The following HSPA13 variants were observed in gnomAD, a reference collection of about 807,000 sequenced individuals.
The protein encoded by HSPA13 is heat shock protein family A (Hsp70) member 13.
In HSPA13, 29 loss-of-function variants were observed where a neutral mutation model predicts 38.8. The observed-to-expected ratio is 0.75, with a 90% confidence interval of 0.56 to 1.02. HSPA13 has a LOEUF of 1.02. Ranked by LOEUF, HSPA13 falls within the 50% of genes least tolerant of loss-of-function variation. The pLI, the probability that HSPA13 is intolerant of heterozygous loss-of-function variation, is 0.00. For missense variants in HSPA13, 451 were observed against 560.9 expected (o/e 0.80, Z 1.98); for synonymous variants, 192 against 205.3 (o/e 0.94, Z 0.56).
chr21:14,380,070 T>C (rs1370394424), intron 2 of HSPA13, among the ~76,000 whole-genome samples: 3 of 150,722 alleles, frequency 2.0e-5, no homozygotes, highest in Non-Finnish European at 4.4e-5. Context: ...TTTCACTTCA[T>C]AACTTCCAAG....
intron 2 of HSPA13, among the ~76,000 whole-genome samples, chr21:14,380,544 A>T (rs1984141974): frequency 6.6e-6 from 1 of 152,192 alleles, no homozygotes; most frequent in Non-Finnish European, 1.5e-5. Context: ...ACTCTAAAAA[A>T]TTATGGTTAA....
At chr21:14,382,043 T>G (rs1984183934) in intron 1 of HSPA13, among the ~76,000 whole-genome samples, 1 of 152,204 alleles carries the variant, frequency 6.6e-6, no homozygotes, top group Non-Finnish European at 1.5e-5. Context: ...TCACCTCCTT[T>G]TCCCTTTCAA....
chr21:14,382,634 TG>T (rs1165433913), intron 1 of HSPA13, among the ~76,000 whole-genome samples: 1 of 151,974 alleles, frequency 6.6e-6, no homozygotes, highest in East Asian at 1.9e-4. Flanking sequence ...GGTGTGTGTG[TG>T]GGTGGGGGAT....
chr21:14,376,186 C>A (rs763425602), intron 3 of HSPA13, among the ~76,000 whole-genome samples: 4 of 152,054 alleles, frequency 2.6e-5, no homozygotes, highest in Non-Finnish European at 2.9e-5. Flanking sequence ...CCGAGGTGGG[C>A]GGATCACGAG....
At position 14,375,912 on chromosome 21, in the gene HSPA13, G is replaced by T; in HGVS notation, c.581-93C>A. ...AGCATGTTTGTGTCTTCTGTGACATGAACTCCACCACTGAGTAATAATGAG... is the reference window on the plus strand; with the variant it reads ...AGCATGTTTGTGTCTTCTGTGACATTAACTCCACCACTGAGTAATAATGAG... On this transcript the variant is annotated intron_variant, in intron 3 of 4. Transcript: ENST00000285667. 7 of 951,678 alleles carry T rather than the reference G, an allele frequency of 7.4e-6. No individual in the cohort carries two copies. The South Asian group carries it at 1.0e-4, about 14-fold the overall frequency. 59.0% of individuals were successfully genotyped at this position (951,678 alleles called of 1,614,324 possible).
In HSPA13 at chr21:14,381,268, T is replaced by A; in HGVS notation, c.301A>T (p.Arg101Ter). Residue 101 changes from arginine to a stop codon, truncating the protein, a stop_gained, in exon 2 of 5, where the codon AGA becomes TGA. Transcript: ENST00000285667. LOFTEE classifies it high-confidence loss of function. Reference protein sequence around the residue: ...NPQNTIYDAKRFIGKIFTAEE... With the variant: ...NPQNTIYDAK Reference sequence around the variant, plus strand: ...GCGGTAAAAATCTTGCCTATGAATCTTTTGGCATCATATATTGTGTTTTGA... The same window carrying A: ...GCGGTAAAAATCTTGCCTATGAATCATTTGGCATCATATATTGTGTTTTGA... 3 of 1,613,140 alleles carry A rather than the reference T, an allele frequency of 1.9e-6. No homozygotes were observed. The highest frequency in any genetic ancestry group is 2.5e-6 in the Non-Finnish European group (3 of 1,179,270).
intron 4 of HSPA13, among the ~76,000 whole-genome samples, chr21:14,374,647 C>T (rs979397707): frequency 3.3e-5 from 5 of 152,082 alleles, no homozygotes; most frequent in Non-Finnish European, 5.9e-5. Context: ...TATTTAAAAA[C>T]TAGTGCACAT....
At chr21:14,381,988 G>A (rs1984182370) in intron 1 of HSPA13, among the ~76,000 whole-genome samples, 1 of 152,036 alleles carries the variant, frequency 6.6e-6, no homozygotes, top group Non-Finnish European at 1.5e-5. Flanking sequence ...ATTCTCACAA[G>A]AAAAACTTTA....
Position 14,378,357 on chromosome 21 carries a change from GTGA to G in HSPA13, c.419_421del (p.Ile140del). On this transcript the variant is annotated inframe_deletion, in exon 3 of 5. Transcript: ENST00000285667. ...AGAGCCAACATATTCTGGGGACACT[GTGA>G]TGGTCTCATTACTTGTCACAGAAAA... is the stretch of plus-strand genomic sequence containing the variant. The G allele has an allele frequency of 6.2e-7, 1 of 1,614,082 alleles. No individual in the cohort carries two copies. Among genetic ancestry groups the G allele is most frequent in the Non-Finnish European group, 8.5e-7 (1 of 1,179,942 alleles).
chr21:14,377,630 C>A (rs915215965), intron 3 of HSPA13, among the ~76,000 whole-genome samples: 9 of 152,148 alleles, frequency 5.9e-5, no homozygotes, highest in Non-Finnish European at 1.0e-4. Context: ...ACATTTGAGT[C>A]AGTGGACTGG....
At position 14,381,326 on chromosome 21, in the gene HSPA13, T is replaced by C. The variant is rs762556668; in HGVS notation, c.243A>G (p.Gly81=). Residue 81 remains glycine (G), a synonymous_variant, in exon 2 of 5, where the codon GGA becomes GGG. Coordinates refer to ENST00000285667, the MANE Select transcript of HSPA13 (RefSeq NM_006948.5). The stretch of plus-strand genomic sequence containing the variant: ...AATCTGCCAGCTCTACGCTTTCATA[T>C]CCCACATATACATCATTGTCAGTAA... ...VSFTDNDVYV[G]YESVELADSN... 1.2e-6 allele frequency: 2 copies of C among 1,614,156 alleles called. No individual in the cohort carries two copies. The highest frequency in any genetic ancestry group is 1.6e-4 in the Middle Eastern group (1 of 6,062).
intron 4 of HSPA13, among the ~76,000 whole-genome samples, chr21:14,374,689 A>G (rs1189049394): frequency 6.6e-6 from 1 of 152,186 alleles, no homozygotes; most frequent in African/African-American, 2.4e-5. Context: ...TATAAAAGGA[A>G]GTATCTCTTC....
At chr21:14,381,113 A>G (rs1460874792) in intron 2 of HSPA13, 90 bp downstream of exon 2, 1 of 976,490 alleles carries the variant, frequency 1.0e-6, no homozygotes, top group African/African-American at 1.6e-5. Flanking sequence ...AGATAAAACT[A>G]GACGAGATAG....
chr21:14,381,554 G>A lies in HSPA13; in HGVS notation c.26-11C>T, dbSNP rs771500033. ...TCAAAACAGCCGATCCTGAAATAAA[G>A]GAAAATTAAAAGATGTATTTTATCA... is the stretch of plus-strand genomic sequence containing the variant. On this transcript the variant is annotated splice_polypyrimidine_tract_variant and intron_variant, in intron 1 of 4. Transcript: ENST00000285667. The A allele has an allele frequency of 9.5e-6, 15 of 1,572,648 alleles. No individual in the cohort carries two copies. The Admixed American group carries it at 1.3e-4, about 13-fold the overall frequency.
chr21:14,374,239 T>C lies in HSPA13; in HGVS notation c.794A>G (p.Gln265Arg). Residue 265 changes from glutamine to arginine, a missense_variant, in exon 5 of 5, where the codon CAG becomes CGG. Physicochemically the swap from Gln to Arg is conservative, Grantham distance 43. Coordinates refer to ENST00000285667, the MANE Select transcript of HSPA13 (RefSeq NM_006948.5). ...GGQDFNQRLL[Q>R]YLYKQIYQTY... ...TTGATAGATCTGTTTATATAAGTAC[T>C]GAAGCAATCTCTGATTGAAGTCCTG... 6.2e-7 allele frequency: 1 copy of C among 1,611,658 alleles called. No homozygotes were observed. The highest frequency in any genetic ancestry group is 8.5e-7 in the Non-Finnish European group (1 of 1,179,708).
Position 14,373,389 on chromosome 21 carries a change from A to G in HSPA13, c.*228T>C. 1 of 481,252 alleles carries G rather than the reference A, an allele frequency of 2.1e-6. No individual in the cohort carries two copies. Among genetic ancestry groups the G allele is most frequent in the Non-Finnish European group, 3.7e-6 (1 of 272,310 alleles). 29.8% of individuals were successfully genotyped at this position (481,252 alleles called of 1,614,324 possible). On this transcript the variant is annotated 3_prime_UTR_variant, in exon 5 of 5. Transcript: ENST00000285667. ...TTTAAGAGAGTTGTACCTCAATTTT[A>G]TCATTTTAGAGTATTTGTTAGAATA...
intron 2 of HSPA13, among the ~76,000 whole-genome samples, 198 bp downstream of exon 2, chr21:14,381,005 T>C (rs1358346434): frequency 6.6e-6 from 1 of 152,194 alleles, no homozygotes; most frequent in Non-Finnish European, 1.5e-5. Flanking sequence ...GGCAAGGCCT[T>C]AAGTACCTGT....
At position 14,372,218 on chromosome 21, in the gene HSPA13, A is replaced by G. The variant is rs1162132009; in HGVS notation, c.*1399T>C. ...GAATTCAGCAATGGATAAAGCAGAG[A>G]TACTTTACAATAAAAAACAAAAAAA... On this transcript the variant is annotated 3_prime_UTR_variant, in exon 5 of 5. Transcript: ENST00000285667. The G allele has an allele frequency of 6.6e-6, 1 of 151,970 alleles. No homozygotes were observed. The highest frequency in any genetic ancestry group is 1.5e-5 in the Non-Finnish European group (1 of 67,900). 9.4% of individuals were successfully genotyped at this position (151,970 alleles called of 1,614,324 possible). A position where few individuals can be genotyped will look rare whatever the true frequency, so the allele number is the denominator to read the frequency against.
rs759436768 is a variant in HSPA13 at position 14,373,785 on chromosome 21, T to C, written c.1248A>G (p.Gln416=). 2.5e-6 allele frequency: 4 copies of C among 1,614,226 alleles called. No homozygotes were observed. Among genetic ancestry groups the C allele is most frequent in the East Asian group, 4.5e-5 (2 of 44,890 alleles). The part of the protein sequence containing the change: ...GGSTRIPRIR[Q]VIQEFFGKDP... ...CTTTTCCAAAGAACTCTTGAATGAC[T>C]TGACGGATCCGAGGAATACGAGTGG... is the stretch of plus-strand genomic sequence containing the variant. Residue 416 remains glutamine, a synonymous_variant, in exon 5 of 5, where the codon CAA becomes CAG. Transcript: ENST00000285667.
Sources: gnomAD v4.1 joint callset for allele counts (sites outside exome capture counted in the v4.1 genomes callset) on GRCh38, gnomAD v4.1.1 for gene constraint, MANE v1.5 for transcripts, NCBI Gene and HGNC (gene_info 2026-07-23, HGNC 2026-07-21) for gene names.